GMDS: variants seen among roughly 807,000 people sequenced by gnomAD.
GMDS encodes GDP-mannose 4,6-dehydratase, also known as GDP-mannose 4,6 dehydratase.
Under a neutral mutation model 49.9 loss-of-function variants are expected in GMDS, and 20 were observed. The ratio of observed to expected loss-of-function variants is 0.40; its 90% CI spans 0.28 to 0.58. GMDS has a LOEUF of 0.58. GMDS is among the 20% of genes least tolerant of loss of function. The pLI, the probability that GMDS is intolerant of heterozygous loss-of-function variation, is 0.42. For missense variants in GMDS, 362 were observed against 481.4 expected (o/e 0.75, Z 2.32); for synonymous variants, 177 against 178.6 (o/e 0.99, Z 0.07).
chr6:1,657,978 C>T (rs952018035), intron 9 of GMDS, among the ~76,000 whole-genome samples: 2 of 152,174 alleles, frequency 1.3e-5, no homozygotes, highest in Admixed American at 6.5e-5. Flanking sequence ...TACAGGCCTG[C>T]CTTGCGTAGC....
chr6:1,911,362 T>C (rs896905074), intron 7 of GMDS, among the ~76,000 whole-genome samples: 17 of 152,194 alleles, frequency 1.1e-4, no homozygotes, highest in African/African-American at 2.9e-4. Flanking sequence ...AAAACTGGCA[T>C]ATTAAGTGTA....
intron 7 of GMDS, among the ~76,000 whole-genome samples, chr6:1,920,271 G>GCCCA: frequency 6.6e-6 from 1 of 152,172 alleles, no homozygotes; most frequent in South Asian, 2.1e-4. Context: ...CATTCAGGTG[G>GCCCA]CCCAAAAAAG....
At chr6:2,001,962 T>G (rs4367413) in intron 4 of GMDS, among the ~76,000 whole-genome samples, 66,668 of 152,002 alleles carry the variant, frequency 0.44, 14,792 homozygotes, top group African/African-American at 0.48. Flanking sequence ...ACCAATTCCT[T>G]TTACTGTGGC....
chr6:2,193,782 G>A (rs1176725995), intron 1 of GMDS, among the ~76,000 whole-genome samples: 1 of 141,532 alleles, frequency 7.1e-6, no homozygotes, highest in African/African-American at 2.7e-5. Flanking sequence ...GGAGTGCAGT[G>A]GCGCGATCTC....
Position 2,051,044 on chromosome 6 carries a change from A to C in GMDS, c.345+64727T>G, listed in dbSNP as rs187694934. Among the ~76,000 whole-genome samples the C allele has an allele frequency of 1.1e-4, 17 of 152,258 alleles. No individual in the cohort carries two copies. The East Asian group carries it at 1.9e-3, about 17-fold the overall frequency. On this transcript the variant is annotated intron_variant, in intron 4 of 10. Coordinates refer to ENST00000380815, the MANE Select transcript of GMDS (RefSeq NM_001500.4). ...GATGGGTGTAACAAACCAACATGGC[A>C]CATGTATACCTAGGTAACAAACCTG...
At chr6:1,914,657 G>T (rs1490256765) in intron 7 of GMDS, among the ~76,000 whole-genome samples, 1 of 152,122 alleles carries the variant, frequency 6.6e-6, no homozygotes, top group African/African-American at 2.4e-5. Flanking sequence ...AGTTCCCAAG[G>T]TGCGCCCCTC....
intron 4 of GMDS, among the ~76,000 whole-genome samples, chr6:2,104,716 T>C (rs551909027): frequency 6.6e-6 from 1 of 152,238 alleles, no homozygotes; most frequent in East Asian, 1.9e-4. Context: ...ACATAACCAA[T>C]AGATTTTTTC....
intron 7 of GMDS, among the ~76,000 whole-genome samples, chr6:1,862,747 T>A (rs1468081160): frequency 1.3e-5 from 2 of 152,166 alleles, no homozygotes; most frequent in Admixed American, 6.5e-5. Flanking sequence ...CCATACTTCT[T>A]ATTATGTTGT....
intron 9 of GMDS, among the ~76,000 whole-genome samples, chr6:1,684,251 T>C (rs1246094699): frequency 6.6e-6 from 1 of 152,138 alleles, no homozygotes; most frequent in African/African-American, 2.4e-5. Context: ...AAGTCTCCCG[T>C]GTTGCTGGTG....
chr6:1,633,719 A>G (rs1400671858), intron 9 of GMDS, among the ~76,000 whole-genome samples: 2 of 152,140 alleles, frequency 1.3e-5, no homozygotes, highest in Non-Finnish European at 2.9e-5. Context: ...GGCTGCTGTG[A>G]CTGGGCATGG....
intron 1 of GMDS, 47 bp downstream of exon 1, chr6:2,245,274 G>A (rs1393247705): frequency 6.4e-6 from 8 of 1,255,912 alleles, no homozygotes; most frequent in Non-Finnish European, 9.0e-6. Flanking sequence ...GGGAGAGCAC[G>A]CGTGCCCAGG....
chr6:2,074,562 C>G lies in GMDS; in HGVS notation c.345+41209G>C, dbSNP rs116096657. Among the ~76,000 whole-genome samples, 882 of 152,246 alleles carry G rather than the reference C, an allele frequency of 5.8e-3. 7 individuals are homozygous for G. The highest frequency in any genetic ancestry group is 0.02 in the African/African-American group (827 of 41,542). ...GTTTTAGTTCTCTGTGCTTTGAGATCTTAACCATAAAATCTTTGTCTAGAA... is the reference window on the plus strand; with the variant it reads ...GTTTTAGTTCTCTGTGCTTTGAGATGTTAACCATAAAATCTTTGTCTAGAA... On this transcript the variant is annotated intron_variant, in intron 4 of 10. Transcript: ENST00000380815.
intron 4 of GMDS, among the ~76,000 whole-genome samples, chr6:2,085,305 T>C (rs1054454561): frequency 1.4e-4 from 21 of 152,354 alleles, no homozygotes; most frequent in African/African-American, 5.1e-4. Flanking sequence ...ACTTATTTTT[T>C]TCTTGTGAAT....
At position 1,658,606 on chromosome 6, in the gene GMDS, T is replaced by C. The variant is rs575332893; in HGVS notation, c.988-34066A>G. Among the ~76,000 whole-genome samples the C allele has an allele frequency of 2.6e-5, 4 of 152,388 alleles. No homozygotes were observed. The South Asian group carries it at 8.3e-4, about 32-fold the overall frequency. ...GTAATGATATTGTTTTCTTAAAGAA[T>C]ACTTTCACAGAAAAATAAAAAAATA... On this transcript the variant is annotated intron_variant, in intron 9 of 10. Coordinates refer to ENST00000380815, the MANE Select transcript of GMDS (RefSeq NM_001500.4).
chr6:1,943,136 C>T (rs1762898497), intron 6 of GMDS, among the ~76,000 whole-genome samples: 1 of 152,238 alleles, frequency 6.6e-6, no homozygotes, highest in African/African-American at 2.4e-5. Context: ...CCTCACAGCT[C>T]TCTCCAGTGA....
chr6:1,833,049 A>C lies in GMDS; in HGVS notation c.772-90463T>G, dbSNP rs1756741554. Among the ~76,000 whole-genome samples the C allele has an allele frequency of 6.6e-6, 1 of 150,806 alleles. No individual in the cohort carries two copies. Among genetic ancestry groups the C allele is most frequent in the Admixed American group, 6.6e-5 (1 of 15,134 alleles). On this transcript the variant is annotated intron_variant, in intron 7 of 10. Transcript: ENST00000380815. The surrounding 1 kb of genome is among the most constrained non-coding windows in gnomAD (Gnocchi z 4.4). ...AGTTTTGTGGGGTTGGCCTCTGATC[A>C]CTCACACAAAGGACGGAAAATTGCT...
At chr6:1,722,015 C>T (rs966760363) in intron 9 of GMDS, among the ~76,000 whole-genome samples, 3 of 148,604 alleles carry the variant, frequency 2.0e-5, no homozygotes, top group East Asian at 4.0e-4. Context: ...CTAACAATGT[C>T]GTTCTGCTTC....
intron 7 of GMDS, among the ~76,000 whole-genome samples, chr6:1,763,189 G>A (rs1367533094): frequency 2.0e-5 from 3 of 152,174 alleles, no homozygotes; most frequent in Non-Finnish European, 4.4e-5. Flanking sequence ...TGTGGGCCAC[G>A]GGCCATCCAG....
chr6:2,021,949 C>G (rs1275590367), intron 4 of GMDS, among the ~76,000 whole-genome samples: 1 of 152,148 alleles, frequency 6.6e-6, no homozygotes, highest in Non-Finnish European at 1.5e-5. Context: ...CATTAAATTG[C>G]TAACACAGCA....
Sources: allele counts gnomAD v4.1 joint callset (sites outside exome capture counted in the v4.1 genomes callset), GRCh38; gene constraint gnomAD v4.1.1; non-coding constraint Gnocchi (gnomAD v3.1); transcripts MANE v1.5; gene names NCBI Gene and HGNC (gene_info 2026-07-23, HGNC 2026-07-21).